Variants in SACS observed in about 807,000 individuals in gnomAD.
SACS encodes the protein sacsin molecular chaperone, also known as sacsin.
SACS carries 197 observed loss-of-function variants against 348.0 expected under a neutral mutation model. The ratio of observed to expected loss-of-function variants is 0.57; its 90% CI spans 0.50 to 0.64. SACS has a LOEUF of 0.64. Among genes scored for constraint, SACS ranks in the 30% least tolerant of loss-of-function variants. SACS has a pLI of 0.00. For missense variants in SACS, 4,999 were observed against 5,360.8 expected (o/e 0.93, Z 2.11); for synonymous variants, 1,985 against 1,910.6 (o/e 1.04, Z -1.02).
intron 4 of SACS, among the ~76,000 whole-genome samples, chr13:23,370,250 C>T (rs1871301696): frequency 6.6e-6 from 1 of 152,202 alleles, no homozygotes; most frequent in Admixed American, 6.5e-5. Flanking sequence ...GATTTCATTT[C>T]ATTTTTAAAA....
At chr13:23,428,318 G>A (rs1165742619) in intron 1 of SACS, 5 of 152,182 alleles carry the variant, frequency 3.3e-5, no homozygotes, top group African/African-American at 7.2e-5. Flanking sequence ...AATTATCAGC[G>A]AAGTAATCAT....
Position 23,368,500 on chromosome 13 carries a change from G to A in SACS, c.260-13C>T. The A allele has an allele frequency of 1.2e-6, 2 of 1,601,200 alleles. No homozygotes were observed. The highest frequency in any genetic ancestry group is 8.5e-7 in the Non-Finnish European group (1 of 1,170,164). On this transcript the variant is annotated splice_polypyrimidine_tract_variant and intron_variant, in intron 4 of 9. Transcript: ENST00000382292. ...TGACCAAATCGACCTAAAATACGGAGCACATTTTAAGTGAGTTAGAAAAAA... is the reference window on the plus strand; with the variant it reads ...TGACCAAATCGACCTAAAATACGGAACACATTTTAAGTGAGTTAGAAAAAA...
chr13:23,423,070 T>A (rs372680238), intron 1 of SACS, among the ~76,000 whole-genome samples: 1 of 152,198 alleles, frequency 6.6e-6, no homozygotes, highest in Non-Finnish European at 1.5e-5. Context: ...TATAAACATA[T>A]GAAAATCCAG....
In SACS at chr13:23,334,267, A is replaced by G; in HGVS notation, c.9609T>C (p.Cys3203=). 1 of 1,609,528 alleles carries G rather than the reference A, an allele frequency of 6.2e-7. No homozygotes were observed. Among genetic ancestry groups the G allele is most frequent in the Non-Finnish European group, 8.5e-7 (1 of 1,177,526 alleles). ...YLKYSNILLN[C]KVAKVFDISS... is the part of the protein sequence containing the mutation. Reference sequence around the variant, plus strand: ...AAATGTCAAACACTTTTGCAACTTTACAGTTCAATAAAATATTACTATATT... The same window carrying G: ...AAATGTCAAACACTTTTGCAACTTTGCAGTTCAATAAAATATTACTATATT... Residue 3203 remains cysteine, a synonymous_variant, in exon 10 of 10, where the codon TGT becomes TGC. Coordinates refer to ENST00000382292, the MANE Select transcript of SACS (RefSeq NM_014363.6).
rs1008317556 is a variant in SACS, at chr13:23,375,614, C to G, written c.21-345G>C. ...GGCGCCGCCCGCGGGGACACGCCCA[C>G]CCGCCGGGACCGTTAGCTGGGGATC... On this transcript the variant is annotated intron_variant, in intron 2 of 9. Transcript: ENST00000382292. 1.1e-5 allele frequency: 11 copies of G among 982,100 alleles called. No homozygotes were observed. The East Asian group carries it at 3.1e-4, about 27-fold the overall frequency. The allele number at this position is 982,100 out of a possible 1,614,324, so 60.8% of individuals were successfully genotyped here.
At chr13:23,381,355 G>GCACACACACACACACACACACA (rs71100174) in intron 2 of SACS, among the ~76,000 whole-genome samples, 1 of 139,976 alleles carries the variant, frequency 7.1e-6, no homozygotes, top group Non-Finnish European at 1.5e-5. Flanking sequence ...GCAGCACGAA[G>GCACACACACACACACACACACA]CACACACACA....
chr13:23,351,481 T>C (rs1053848287), intron 9 of SACS, among the ~76,000 whole-genome samples: 1 of 152,190 alleles, frequency 6.6e-6, no homozygotes, highest in Admixed American at 6.5e-5. Context: ...CAAGAGCTGA[T>C]AGTTTTATAA....
intron 5 of SACS, among the ~76,000 whole-genome samples, chr13:23,366,430 G>A (rs572996213): frequency 1.8e-4 from 28 of 152,028 alleles, no homozygotes; most frequent in African/African-American, 6.7e-4. Flanking sequence ...TCCTTGTTAC[G>A]TAACTAACTA....
chr13:23,330,217 A>G lies in SACS; in HGVS notation c.13659T>C (p.Thr4553=). The part of the protein sequence containing the change: ...PFPQIPNDRF[T]SEVAMRVMEC... ...CCATCACCCTCATAGCAACCTCAGA[A>G]GTGAACCTGTCATTTGGGATCTGAG... is the stretch of plus-strand genomic sequence containing the variant. The change falls in exon 10 of 10, where the codon ACT becomes ACC. Residue 4553 remains threonine, a synonymous_variant. Coordinates refer to ENST00000382292, the MANE Select transcript of SACS (RefSeq NM_014363.6). 1 of 1,614,136 alleles carries G rather than the reference A, an allele frequency of 6.2e-7. No homozygotes were observed. The highest frequency in any genetic ancestry group is 8.5e-7 in the Non-Finnish European group (1 of 1,179,952).
intron 2 of SACS, among the ~76,000 whole-genome samples, chr13:23,386,042 C>A (rs1161643305): frequency 6.6e-6 from 1 of 152,184 alleles, no homozygotes; most frequent in African/African-American, 2.4e-5. Flanking sequence ...CTTTGTTGTT[C>A]CATTTATAGA....
chr13:23,398,476 G>A (rs1447200308), intron 2 of SACS, among the ~76,000 whole-genome samples: 1 of 149,978 alleles, frequency 6.7e-6, no homozygotes. Context: ...AAAGGTTGCA[G>A]TGAGCCGAGA....
rs548666058 is a variant in SACS at position 23,393,642 on chromosome 13, T to G, written c.20+17578A>C. On this transcript the variant is annotated intron_variant, in intron 2 of 9. Coordinates refer to ENST00000382292, the MANE Select transcript of SACS (RefSeq NM_014363.6). ...AAAACCTATATTTCTTCTTTGTCCCTGACTCCTGGCACACAGCACTTAAAA... is the reference window on the plus strand; with the variant it reads ...AAAACCTATATTTCTTCTTTGTCCCGGACTCCTGGCACACAGCACTTAAAA... 2.0e-5 allele frequency among the ~76,000 whole-genome samples: 3 copies of G among 152,374 alleles called. No individual in the cohort carries two copies. In the East Asian group the frequency reaches 5.8e-4, roughly 29 times the overall value.
rs1288777275 is a variant in SACS at position 23,333,980 on chromosome 13, T to A, written c.9896A>T (p.Asp3299Val). 6.2e-7 allele frequency: 1 copy of A among 1,613,772 alleles called. No homozygotes were observed. Among genetic ancestry groups the A allele is most frequent in the Non-Finnish European group, 8.5e-7 (1 of 1,179,852 alleles). ...CATAAGGCTGAGAGGAAGCAGAACA[T>A]CTCCTTCAGGAACCACAAGCTGGTT... ...SANQLVVPEG[D>V]VLLPLSLMHI... The change falls in exon 10 of 10, where the codon GAT (aspartate) becomes GTT (valine). Residue 3299 changes from aspartate (D) to valine (V), a missense_variant. Asp to Val is a radical substitution (Grantham distance 152). Coordinates refer to ENST00000382292, the MANE Select transcript of SACS (RefSeq NM_014363.6).
At chr13:23,397,649 C>T (rs9552947) in intron 2 of SACS, among the ~76,000 whole-genome samples, 67,609 of 152,052 alleles carry the variant, frequency 0.44, 15,142 homozygotes, top group East Asian at 0.56. Flanking sequence ...GGACCAAGTC[C>T]TCTCACATTT....
intron 6 of SACS, among the ~76,000 whole-genome samples, chr13:23,360,728 C>T (rs1230135687): frequency 6.6e-6 from 1 of 150,660 alleles, no homozygotes; most frequent in Non-Finnish European, 1.5e-5. Context: ...AATAAAATTC[C>T]CCTCAGATCC....
chr13:23,338,601 T>C lies in SACS; in HGVS notation c.5275A>G (p.Ile1759Val), dbSNP rs746523065. 2 of 1,614,186 alleles carry C rather than the reference T, an allele frequency of 1.2e-6. No homozygotes were observed. The highest frequency in any genetic ancestry group is 2.2e-5 in the East Asian group (1 of 44,886). Residue 1759 changes from isoleucine to valine, a missense_variant, in exon 10 of 10, where the codon ATT (isoleucine) becomes GTT (valine). By Grantham distance (29) the Ile-to-Val change is conservative. Transcript: ENST00000382292. ...LPSDEPKSSC[I>V]LQITVEEFHH... Reference sequence around the variant, plus strand: ...AATTCTTCCACTGTGATCTGAAGAATGCAAGATGACTTTGGTTCATCACTG... The same window carrying C: ...AATTCTTCCACTGTGATCTGAAGAACGCAAGATGACTTTGGTTCATCACTG...
chr13:23,355,916 A>G lies in SACS; in HGVS notation c.696T>C (p.Asn232=), dbSNP rs2031640. 1.9e-6 allele frequency: 3 copies of G among 1,614,074 alleles called. No individual in the cohort carries two copies. The highest frequency in any genetic ancestry group is 1.6e-4 in the Middle Eastern group (1 of 6,062). ...TAATTTCTTTGCTGTCATCTTTGAG[A>G]TTCCAACATTGGCCTGATTCATGTG... The part of the protein sequence containing the change: ...FGPHESGQCW[N]LKDDSKEISE... Residue 232 remains asparagine (N), a synonymous_variant, in exon 8 of 10, where the codon AAT becomes AAC. Transcript: ENST00000382292.
intron 9 of SACS, among the ~76,000 whole-genome samples, chr13:23,349,224 G>GTT (rs1019945515): frequency 6.6e-6 from 1 of 152,174 alleles, no homozygotes; most frequent in African/African-American, 2.4e-5. Context: ...AATAGGCAGT[G>GTT]GAGTAAGACC....
In SACS at chr13:23,332,770, T is replaced by G. The variant is rs772465378; in HGVS notation, c.11106A>C (p.Thr3702=). 1 of 1,614,020 alleles carries G rather than the reference T, an allele frequency of 6.2e-7. No homozygotes were observed. Among genetic ancestry groups the G allele is most frequent in the South Asian group, 1.1e-5 (1 of 91,080 alleles). The change falls in exon 10 of 10, where the codon ACA becomes ACC. Residue 3702 remains threonine, a synonymous_variant. Transcript: ENST00000382292. ...KQCDVLQLLW[T]SCPILPEKAT... is the part of the protein sequence containing the mutation. The stretch of plus-strand genomic sequence containing the variant: ...CTTTCTCTGGAAGAATAGGGCAGGA[T>G]GTCCATAACAGCTGGAGTACATCAC...
Sources: allele counts gnomAD v4.1 joint callset (sites outside exome capture counted in the v4.1 genomes callset), GRCh38; gene constraint gnomAD v4.1.1; transcripts MANE v1.5; gene names NCBI Gene and HGNC (gene_info 2026-07-23, HGNC 2026-07-21).